Variants in GRM8 observed in about 807,000 individuals in gnomAD.
GRM8 encodes glutamate metabotropic receptor 8.
GRM8 carries 47 observed loss-of-function variants against 87.2 expected under a neutral mutation model. That is an observed-to-expected ratio of 0.54 (90% CI 0.43 to 0.69). The LOEUF is 0.69. Among genes scored for constraint, GRM8 ranks in the 30% least tolerant of loss-of-function variants. The probability of loss-of-function intolerance (pLI) is 0.00; values close to 1 mark genes in which losing one functional copy is unlikely to be tolerated. For missense variants in GRM8, 1,019 were observed against 1,139.2 expected, an observed-to-expected ratio of 0.89 and a Z score of 1.52; for synonymous variants, 396 against 404.5, an observed-to-expected ratio of 0.98 and a Z score of 0.25.
At chr7:127,115,440 C>T (rs965347881) in intron 2 of GRM8, among the ~76,000 whole-genome samples, 2 of 152,134 alleles carry the variant, frequency 1.3e-5, no homozygotes, top group African/African-American at 4.8e-5. Context: ...TACTGAAAAT[C>T]CCAATCCTAA....
At chr7:127,025,444 T>A (rs1202796407) in intron 3 of GRM8, among the ~76,000 whole-genome samples, 1 of 152,090 alleles carries the variant, frequency 6.6e-6, no homozygotes, top group Non-Finnish European at 1.5e-5. Context: ...TTGTCCCCCA[T>A]CCTTTTCCTT....
chr7:127,066,072 A>T lies in GRM8; in HGVS notation c.727+40424T>A, dbSNP rs1284671929. Reference sequence around the variant, plus strand: ...TGGAATTTGATGACTTTTTTCCCACAGTGATTCAATTAATTGGTTTTTCTT... The same window carrying T: ...TGGAATTTGATGACTTTTTTCCCACTGTGATTCAATTAATTGGTTTTTCTT... On this transcript the variant is annotated intron_variant, in intron 3 of 10. Coordinates refer to ENST00000339582, the MANE Select transcript of GRM8 (RefSeq NM_000845.3). Among the ~76,000 whole-genome samples, 3 of 152,214 alleles carry T rather than the reference A, an allele frequency of 2.0e-5. No homozygotes were observed. The South Asian group carries it at 6.2e-4, about 32-fold the overall frequency.
chr7:126,641,754 T>C (rs886576232), intron 7 of GRM8, among the ~76,000 whole-genome samples: 1 of 152,120 alleles, frequency 6.6e-6, no homozygotes, highest in African/African-American at 2.4e-5. Context: ...CACCACTACA[T>C]GATCTTGCAG....
chr7:126,543,487 C>T (rs1376562206), intron 8 of GRM8, among the ~76,000 whole-genome samples: 1 of 152,162 alleles, frequency 6.6e-6, no homozygotes, highest in Non-Finnish European at 1.5e-5. Context: ...CAGATCCTAA[C>T]ATCATGACTA....
intron 7 of GRM8, among the ~76,000 whole-genome samples, chr7:126,767,978 T>C (rs1456930206): frequency 1.3e-5 from 2 of 152,098 alleles, no homozygotes; most frequent in African/African-American, 4.8e-5. Flanking sequence ...AGTTCTATTA[T>C]GCTCCAATAG....
intron 8 of GRM8, among the ~76,000 whole-genome samples, chr7:126,575,804 GCTTT>G (rs958659381): frequency 2.0e-5 from 3 of 152,018 alleles, no homozygotes; most frequent in Non-Finnish European, 2.9e-5. Flanking sequence ...AATGAGTTTT[GCTTT>G]CTTTCTTATA....
chr7:126,682,926 G>T (rs752182507), intron 7 of GRM8, among the ~76,000 whole-genome samples: 1 of 152,162 alleles, frequency 6.6e-6, no homozygotes, highest in Non-Finnish European at 1.5e-5. Context: ...GCACGCCCCT[G>T]TAGTCCCAGA....
chr7:126,691,126 G>A (rs1272333119), intron 7 of GRM8, among the ~76,000 whole-genome samples: 1 of 152,162 alleles, frequency 6.6e-6, no homozygotes, highest in African/African-American at 2.4e-5. Context: ...GGCTATTCAT[G>A]CCAAGGGGTG....
At chr7:126,974,671 C>T (rs1016743789) in intron 3 of GRM8, among the ~76,000 whole-genome samples, 1 of 152,068 alleles carries the variant, frequency 6.6e-6, no homozygotes, top group Non-Finnish European at 1.5e-5. Context: ...TGGCTCACAC[C>T]TATAATTAAT....
intron 7 of GRM8, among the ~76,000 whole-genome samples, chr7:126,706,458 G>A (rs1467274597): frequency 6.6e-6 from 1 of 152,086 alleles, no homozygotes; most frequent in Non-Finnish European, 1.5e-5. Flanking sequence ...TTTGAAGTCA[G>A]TAAGGTGGGG....
intron 8 of GRM8, among the ~76,000 whole-genome samples, chr7:126,574,583 A>T: frequency 6.6e-6 from 1 of 152,130 alleles, no homozygotes; most frequent in Non-Finnish European, 1.5e-5. Flanking sequence ...GAGGTTTGAA[A>T]TCTTACTACC....
At chr7:126,863,597 C>T (rs10257388) in intron 6 of GRM8, among the ~76,000 whole-genome samples, 57,300 of 151,972 alleles carry the variant, frequency 0.38, 11,752 homozygotes, top group Non-Finnish European at 0.46. Flanking sequence ...AAAAACCTAC[C>T]TCTGAATTTA....
At chr7:126,938,626 T>C (rs1806582273) in intron 3 of GRM8, among the ~76,000 whole-genome samples, 2 of 152,198 alleles carry the variant, frequency 1.3e-5, no homozygotes, top group South Asian at 4.1e-4. Context: ...AAAATCCATT[T>C]GAATAAGTAA....
chr7:127,247,672 C>T (rs1798647850), intron 1 of GRM8, among the ~76,000 whole-genome samples: 1 of 152,102 alleles, frequency 6.6e-6, no homozygotes, highest in Non-Finnish European at 1.5e-5. Flanking sequence ...CAGTCACTGG[C>T]TGGTAACACT....
intron 7 of GRM8, among the ~76,000 whole-genome samples, chr7:126,684,940 G>A (rs1808000624): frequency 6.6e-6 from 1 of 152,160 alleles, no homozygotes; most frequent in Non-Finnish European, 1.5e-5. Flanking sequence ...TGGCAGCGGT[G>A]GGCCATCCAG....
At chr7:126,855,001 T>G (rs1797544685) in intron 6 of GRM8, among the ~76,000 whole-genome samples, 2 of 152,234 alleles carry the variant, frequency 1.3e-5, no homozygotes, top group Non-Finnish European at 2.9e-5. Context: ...CATCCTTGTC[T>G]TGTTCCAGCT....
intron 8 of GRM8, among the ~76,000 whole-genome samples, chr7:126,567,476 G>A (rs1043741341): frequency 6.6e-6 from 1 of 152,098 alleles, no homozygotes; most frequent in African/African-American, 2.4e-5. Flanking sequence ...GTTAATGGGT[G>A]CAGCACACAA....
At chr7:127,088,716 CTCT>C (rs1215674543) in intron 3 of GRM8, among the ~76,000 whole-genome samples, 2 of 152,326 alleles carry the variant, frequency 1.3e-5, no homozygotes, top group Non-Finnish European at 2.9e-5. Flanking sequence ...TGCCAGGCAG[CTCT>C]TCTTCTTGTT....
chr7:127,168,350 G>A (rs1168277499), intron 2 of GRM8, among the ~76,000 whole-genome samples: 1 of 152,068 alleles, frequency 6.6e-6, no homozygotes, highest in East Asian at 1.9e-4. Context: ...AAAAAGTCAG[G>A]AAACACATCC....
Sources: allele counts gnomAD v4.1 joint callset (sites outside exome capture counted in the v4.1 genomes callset), GRCh38; gene constraint gnomAD v4.1.1; transcripts MANE v1.5; gene names NCBI Gene and HGNC (gene_info 2026-07-23, HGNC 2026-07-21).